NTMT1: variants seen among roughly 807,000 people sequenced by gnomAD.
NTMT1 encodes N-terminal Xaa-Pro-Lys N-methyltransferase 1.
In NTMT1, 8 loss-of-function variants were observed where a neutral mutation model predicts 17.5. That is an observed-to-expected ratio of 0.46 (90% CI 0.27 to 0.82). NTMT1 has a LOEUF of 0.82. Ranked by LOEUF, NTMT1 falls within the 40% of genes least tolerant of loss-of-function variation. NTMT1 has a pLI of 0.15. For synonymous variants in NTMT1, 128 were observed against 126.8 expected (o/e 1.01, Z -0.06); for missense variants, 221 against 303.5 (o/e 0.73, Z 2.02).
At chr9:129,628,626 T>TA (rs1429931817) in intron 1 of NTMT1, 2 of 152,212 alleles carry the variant, frequency 1.3e-5, no homozygotes, top group Non-Finnish European at 2.9e-5. Context: ...GCCCACCTGG[T>TA]ATCAGGCACT....
chr9:129,612,219 A>C lies in NTMT1; in HGVS notation c.-55+3041A>C, dbSNP rs1158276696. ...CAGAGACCAGCAACCAGGTACCCAG[A>C]AAGGCTTGTGGTGTGACACCTACTG... is the stretch of plus-strand genomic sequence containing the variant. On this transcript the variant is annotated intron_variant, in intron 1 of 3. Transcript: ENST00000372486. 6.9e-6 allele frequency: 5 copies of C among 719,736 alleles called. No homozygotes were observed. The African/African-American group carries it at 7.1e-5, about 10-fold the overall frequency. 44.6% of individuals were successfully genotyped at this position (719,736 alleles called of 1,614,324 possible).
At position 129,614,096 on chromosome 9, in the gene NTMT1, T is replaced by C. The variant is rs564805705; in HGVS notation, c.-55+4918T>C. 2.0e-5 allele frequency among the ~76,000 whole-genome samples: 3 copies of C among 152,320 alleles called. No homozygotes were observed. The highest frequency in any genetic ancestry group is 3.9e-4 in the East Asian group (2 of 5,184). ...TGCCCGGGACACCATGATAGCTCCT[T>C]ATGGCCAGTGGCTGACACGGAATCA... On this transcript the variant is annotated intron_variant, in intron 1 of 3. Transcript: ENST00000372486. The surrounding 1 kb of genome is among the most constrained non-coding windows in gnomAD (Gnocchi z 4.4).
chr9:129,634,999 T>G (rs1476406460), intron 3 of NTMT1: 7 of 607,578 alleles, frequency 1.2e-5, no homozygotes, highest in South Asian at 2.1e-5. Flanking sequence ...GCTTAATGTG[T>G]CTTTAGGTAG....
At chr9:129,626,115 C>T (rs1180175857), upstream of NTMT1, 1 of 152,214 alleles carries the variant, frequency 6.6e-6, no homozygotes, top group African/African-American at 2.4e-5. Context: ...TGGAGCCAGC[C>T]ATGGGCCCGC....
chr9:129,630,221 C>T (rs577544975), intron 1 of NTMT1, among the ~76,000 whole-genome samples: 100 of 152,018 alleles, frequency 6.6e-4, no homozygotes, highest in African/African-American at 2.4e-3. Context: ...GCCTGTAATC[C>T]CAACACCTTG....
intron 1 of NTMT1, chr9:129,615,419 C>A: frequency 6.8e-7 from 1 of 1,474,228 alleles, no homozygotes; most frequent in South Asian, 1.4e-5. Flanking sequence ...CCCGGAGCTA[C>A]AGCCTCTCTG....
chr9:129,621,576 C>T (rs371716611), upstream of NTMT1, among the ~76,000 whole-genome samples: 3 of 152,286 alleles, frequency 2.0e-5, no homozygotes, highest in African/African-American at 7.2e-5. Context: ...TTATGTTGCA[C>T]GGGCTGGTCT....
intron 1 of NTMT1, among the ~76,000 whole-genome samples, chr9:129,628,031 G>A (rs1033145253): frequency 6.6e-6 from 1 of 152,252 alleles, no homozygotes; most frequent in Non-Finnish European, 1.5e-5. Flanking sequence ...TGGCTGAGCA[G>A]CCATTTACCA....
chr9:129,627,526 C>G (rs977147813), intron 1 of NTMT1, among the ~76,000 whole-genome samples: 1 of 152,212 alleles, frequency 6.6e-6, no homozygotes, highest in African/African-American at 2.4e-5. Context: ...TAATCACAGC[C>G]TTTCTGTAAA....
At chr9:129,630,302 A>G (rs922748600) in intron 1 of NTMT1, among the ~76,000 whole-genome samples, 21 of 152,166 alleles carry the variant, frequency 1.4e-4, no homozygotes, top group African/African-American at 5.1e-4. Flanking sequence ...GCAAAACTCC[A>G]TATCTACAGA....
At chr9:129,619,794 T>C in intron 1 of NTMT1, 1 of 1,614,018 alleles carries the variant, frequency 6.2e-7, no homozygotes, top group Non-Finnish European at 8.5e-7. Flanking sequence ...TGGGCAGTGC[T>C]CTAATACACC....
intron 3 of NTMT1, chr9:129,634,813 C>T: frequency 3.9e-6 from 1 of 253,566 alleles, no homozygotes. Context: ...ATTTTGTGGT[C>T]TCAGAAGCCT....
intron 1 of NTMT1, among the ~76,000 whole-genome samples, chr9:129,630,342 A>G (rs1831096344): frequency 6.6e-6 from 1 of 152,048 alleles, no homozygotes; most frequent in Non-Finnish European, 1.5e-5. Flanking sequence ...GTGTGGCGGT[A>G]TGTGCCTGCA....
intron 1 of NTMT1, among the ~76,000 whole-genome samples, chr9:129,616,651 C>T (rs915012495): frequency 1.3e-5 from 2 of 152,204 alleles, no homozygotes; most frequent in Non-Finnish European, 2.9e-5. Context: ...ATAATACCAT[C>T]CTCCTGGGTT....
At chr9:129,625,669 C>A (rs1830861581), upstream of NTMT1, among the ~76,000 whole-genome samples, 1 of 152,052 alleles carries the variant, frequency 6.6e-6, no homozygotes, top group Admixed American at 6.5e-5. Context: ...AGTTCAAGAT[C>A]AGCCTGAGCA....
Position 129,614,224 on chromosome 9 carries a change from TGTGGCTCTGC to T in NTMT1, c.-55+5049_-55+5058del, listed in dbSNP as rs1345045021. Among the ~76,000 whole-genome samples the T allele has an allele frequency of 3.3e-5, 5 of 152,230 alleles. No individual in the cohort carries two copies. In the East Asian group the frequency reaches 9.6e-4, roughly 29 times the overall value. Reference sequence around the variant, plus strand: ...GCCCGGGGTCACTCTGGCTTCTATATGTGGCTCTGCGTCACCCACACAAGCCCATCCTGCT... The same window carrying T: ...GCCCGGGGTCACTCTGGCTTCTATATGTCACCCACACAAGCCCATCCTGCT... On this transcript the variant is annotated intron_variant, in intron 1 of 3. Transcript: ENST00000372486. This position sits in a 1 kb window ranked among gnomAD's most constrained non-coding sequence, Gnocchi z 4.4.
chr9:129,619,487 C>T, intron 1 of NTMT1: 2 of 1,494,116 alleles, frequency 1.3e-6, no homozygotes, highest in South Asian at 1.2e-5. Flanking sequence ...CCCTTTCCTC[C>T]ACTACCCTAC....
intron 1 of NTMT1, among the ~76,000 whole-genome samples, chr9:129,618,864 T>C (rs1170182077): frequency 1.1e-5 from 1 of 91,516 alleles, no homozygotes; most frequent in Admixed American, 1.2e-4. Context: ...GGCTAATTTT[T>C]TGTGTTTTTT....
In NTMT1 at chr9:129,613,002, T is replaced by G; in HGVS notation, c.-55+3824T>G. 1.4e-6 allele frequency: 2 copies of G among 1,445,756 alleles called. No individual in the cohort carries two copies. Among genetic ancestry groups the G allele is most frequent in the Non-Finnish European group, 1.9e-6 (2 of 1,063,272 alleles). The allele number at this position is 1,445,756 out of a possible 1,614,324, so 89.6% of individuals were successfully genotyped here. A position where few individuals can be genotyped will look rare whatever the true frequency, so the allele number is the denominator to read the frequency against. On this transcript the variant is annotated intron_variant, in intron 1 of 3. Coordinates refer to the NTMT1 transcript ENST00000372486. The surrounding 1 kb of genome is among the most constrained non-coding windows in gnomAD (Gnocchi z 6.2). ...ACGGTGACTTGGCTCTCAGGGAGGG[T>G]CCACTCCCAGCCCCAGCCACTCCAC...
Sources: allele counts gnomAD v4.1 joint callset (sites outside exome capture counted in the v4.1 genomes callset), GRCh38; gene constraint gnomAD v4.1.1; non-coding constraint Gnocchi (gnomAD v3.1); transcripts MANE v1.5; gene names NCBI Gene and HGNC (gene_info 2026-07-23, HGNC 2026-07-21).